CCDC7: variants seen among roughly 807,000 people sequenced by gnomAD.
The protein encoded by CCDC7 is coiled-coil domain containing 7.
In CCDC7, 183 loss-of-function variants were observed where a neutral mutation model predicts 196.9. The ratio of observed to expected loss-of-function variants is 0.93; its 90% confidence interval spans 0.82 to 1.05. CCDC7 has a LOEUF of 1.05. CCDC7 is among the 50% of genes least tolerant of loss of function. CCDC7 has a pLI of 0.00. For missense variants in CCDC7, 1,540 were observed against 1,482.2 expected (o/e 1.04, Z -0.64); for synonymous variants, 525 against 484.6 (o/e 1.08, Z -1.10).
chr10:32,693,118 G>T (rs896216699), intron 23 of CCDC7, among the ~76,000 whole-genome samples: 6 of 152,110 alleles, frequency 3.9e-5, no homozygotes, highest in African/African-American at 1.4e-4. Context: ...ATATTGATGA[G>T]TTACTGCTTT....
At chr10:32,727,149 A>G (rs2083248719) in intron 26 of CCDC7, among the ~76,000 whole-genome samples, 1 of 152,124 alleles carries the variant, frequency 6.6e-6, no homozygotes, top group Non-Finnish European at 1.5e-5. Context: ...ATCATACCCA[A>G]TGATCACTTA....
intron 31 of CCDC7, among the ~76,000 whole-genome samples, chr10:32,816,132 C>G (rs2088451724): frequency 6.6e-6 from 1 of 152,196 alleles, no homozygotes; most frequent in Non-Finnish European, 1.5e-5. Context: ...CGGGTCACTC[C>G]CACCCTAATA....
At chr10:32,574,940 AC>A (rs2137193683) in intron 16 of CCDC7, among the ~76,000 whole-genome samples, 1 of 152,316 alleles carries the variant, frequency 6.6e-6, no homozygotes, top group Admixed American at 6.5e-5. Context: ...TTCAAGAGAT[AC>A]TTTTGTCACC....
Position 32,862,293 on chromosome 10 carries a change from A to C in CCDC7, c.4111+7804A>C, listed in dbSNP as rs557669745. Among the ~76,000 whole-genome samples, 5 of 152,190 alleles carry C rather than the reference A, an allele frequency of 3.3e-5. No homozygotes were observed. In the South Asian group the frequency reaches 1.0e-3, roughly 32 times the overall value. On this transcript the variant is annotated intron_variant, in intron 41 of 41. Transcript: ENST00000639629. ...GACATGGATGATGCTGGAAACCATC[A>C]TTCACAGCAAACTAACACAAGAACA...
chr10:32,859,677 T>C (rs1177307093), intron 41 of CCDC7, among the ~76,000 whole-genome samples: 1 of 150,320 alleles, frequency 6.7e-6, no homozygotes. Context: ...GCCAGACTAA[T>C]AAAAAAGAAA....
chr10:32,785,159 G>A (rs1453875834), intron 29 of CCDC7, among the ~76,000 whole-genome samples: 1 of 152,098 alleles, frequency 6.6e-6, no homozygotes, highest in Admixed American at 6.5e-5. Flanking sequence ...ATCCTTCTGT[G>A]CTAGACATAT....
chr10:32,656,646 T>C (rs189710072), intron 20 of CCDC7, among the ~76,000 whole-genome samples: 1 of 152,256 alleles, frequency 6.6e-6, no homozygotes, highest in Admixed American at 6.5e-5. Context: ...CCCTCCCATG[T>C]CATGTGGGGA....
At chr10:32,658,459 G>C (rs562364417) in intron 20 of CCDC7, among the ~76,000 whole-genome samples, 2 of 151,958 alleles carry the variant, frequency 1.3e-5, no homozygotes, top group Non-Finnish European at 2.9e-5. Flanking sequence ...TTCATATCTC[G>C]TAAGAACTCA....
At chr10:32,575,283 A>T (rs2058063003) in intron 16 of CCDC7, among the ~76,000 whole-genome samples, 1 of 152,230 alleles carries the variant, frequency 6.6e-6, no homozygotes, top group African/African-American at 2.4e-5. Context: ...AATGTATGTT[A>T]TAACTAAAAG....
chr10:32,563,645 T>C (rs947329964), intron 13 of CCDC7, among the ~76,000 whole-genome samples: 58 of 152,198 alleles, frequency 3.8e-4, no homozygotes, highest in Admixed American at 1.7e-3. Context: ...ATACAAAAAT[T>C]AATTCAAGAT....
chr10:32,507,782 T>C (rs1391137116), intron 9 of CCDC7, among the ~76,000 whole-genome samples: 1 of 152,176 alleles, frequency 6.6e-6, no homozygotes, highest in Non-Finnish European at 1.5e-5. Flanking sequence ...AGTAATCATA[T>C]GATCATTTCA....
chr10:32,489,668 C>T (rs750983955), intron 8 of CCDC7, among the ~76,000 whole-genome samples: 41 of 152,066 alleles, frequency 2.7e-4, no homozygotes, highest in Non-Finnish European at 4.3e-4. Context: ...GGCTCAGATA[C>T]CTGAAGCATA....
At chr10:32,834,675 TA>T (rs1445216586) in intron 32 of CCDC7, 139 bp from the exon 34 acceptor site, 2 of 340,502 alleles carry the variant, frequency 5.9e-6, no homozygotes, top group Non-Finnish European at 1.1e-5. Context: ...TTTTTTTTAC[TA>T]ATTCATCTTC....
intron 24 of CCDC7, among the ~76,000 whole-genome samples, chr10:32,704,065 C>A (rs1327074952): frequency 6.6e-6 from 1 of 152,114 alleles, no homozygotes; most frequent in African/African-American, 2.4e-5. Flanking sequence ...CGAGCAGCTG[C>A]GTTCCTTTGG....
intron 18 of CCDC7, among the ~76,000 whole-genome samples, chr10:32,603,827 G>A (rs1293161538): frequency 6.6e-6 from 1 of 151,802 alleles, no homozygotes; most frequent in South Asian, 2.1e-4. Context: ...TGAATTGTTT[G>A]GGTTTCTTGT....
chr10:32,803,090 T>C lies in CCDC7; in HGVS notation c.3014-1925T>C, dbSNP rs1025275278. Among the ~76,000 whole-genome samples the C allele has an allele frequency of 5.9e-5, 9 of 152,380 alleles. No individual in the cohort carries two copies. In the East Asian group the frequency reaches 1.7e-3, roughly 29 times the overall value. ...TTTGAGAAGATAACTGATATGATTT[T>C]GACTTTTTAATATTTGTTTAGACTT... On this transcript the variant is annotated intron_variant, in intron 29 of 41. Coordinates refer to ENST00000639629, the Ensembl canonical transcript of CCDC7.
chr10:32,864,354 A>T (rs949787647), intron 41 of CCDC7, among the ~76,000 whole-genome samples: 7 of 151,852 alleles, frequency 4.6e-5, no homozygotes, highest in Non-Finnish European at 8.8e-5. Context: ...AAAGAAATAT[A>T]ACAAGAAGGG....
At chr10:32,588,478 G>A (rs567903824) in intron 18 of CCDC7, among the ~76,000 whole-genome samples, 16 of 152,126 alleles carry the variant, frequency 1.1e-4, no homozygotes, top group African/African-American at 3.9e-4. Context: ...GATTTTCCTA[G>A]TTTGAACCAC....
At chr10:32,623,781 G>C in intron 18 of CCDC7, 2 of 470,334 alleles carry the variant, frequency 4.3e-6, no homozygotes, top group Non-Finnish European at 8.8e-6. Context: ...GCTTCTACTC[G>C]TGCAGGAAGG....
Sources: gnomAD v4.1 joint callset for allele counts (sites outside exome capture counted in the v4.1 genomes callset) on GRCh38, gnomAD v4.1.1 for gene constraint, MANE v1.5 for transcripts, NCBI Gene and HGNC (gene_info 2026-07-23, HGNC 2026-07-21) for gene names.